NISCH: variants seen among roughly 807,000 people sequenced by gnomAD.
NISCH encodes I-1 receptor candidate protein.
Under a neutral mutation model 138.4 loss-of-function variants are expected in NISCH, and 55 were observed. The observed-to-expected ratio is 0.40, with a 90% CI of 0.32 to 0.50. The LOEUF is 0.50. NISCH is among the 20% of genes least tolerant of loss of function. The pLI is 0.71. For synonymous variants in NISCH, 860 were observed against 861.5 expected (o/e 1.00, Z 0.03); for missense variants, 1,643 against 2,005.5 (o/e 0.82, Z 3.45).
chr3:52,476,625 G>A, intron 8 of NISCH, 26 bp downstream of exon 8: 1 of 1,612,190 alleles, frequency 6.2e-7, no homozygotes, highest in Non-Finnish European at 8.5e-7. Flanking sequence ...CAGGTGCCAG[G>A]GGTTTCTCTG....
Position 52,455,697 on chromosome 3 carries a change from C to A in NISCH, c.56C>A (p.Ala19Glu). The A allele has an allele frequency of 7.3e-7, 1 of 1,364,662 alleles. No homozygotes were observed. Among genetic ancestry groups the A allele is most frequent in the Non-Finnish European group, 9.5e-7 (1 of 1,048,272 alleles). The allele number at this position is 1,364,662 out of a possible 1,614,324, so 84.5% of individuals were successfully genotyped here. A position where few individuals can be genotyped will look rare whatever the true frequency, so the allele number is the denominator to read the frequency against. Residue 19 changes from alanine to glutamate, a missense_variant, in exon 1 of 21, where the codon GCG becomes GAG. Coordinates refer to ENST00000345716, the MANE Select transcript of NISCH (RefSeq NM_007184.4). Reference protein sequence around the residue: ...PEREAEPAKEARVVGSELVDT... With the variant: ...PEREAEPAKEERVVGSELVDT... ...CGGGAAGCCGAGCCGGCCAAGGAAGCGCGCGTCGTGGGCTCGGAGCTTGTG... is the reference window on the plus strand; with the variant it reads ...CGGGAAGCCGAGCCGGCCAAGGAAGAGCGCGTCGTGGGCTCGGAGCTTGTG...
At chr3:52,476,276 C>A in intron 7 of NISCH, 171 bp from the exon 8 acceptor site, 1 of 692,236 alleles carries the variant, frequency 1.4e-6, no homozygotes, top group South Asian at 1.9e-5. Flanking sequence ...CAGCTTTGAA[C>A]GATTTCACAA....
intron 3 of NISCH, among the ~76,000 whole-genome samples, chr3:52,469,856 G>A (rs1185966695): frequency 2.0e-5 from 3 of 151,710 alleles, no homozygotes; most frequent in African/African-American, 4.8e-5. Context: ...CAGAGGTGGC[G>A]GTGAGCCGAG....
intron 14 of NISCH, among the ~76,000 whole-genome samples, chr3:52,484,909 G>A (rs114962847): frequency 6.6e-6 from 1 of 152,056 alleles, no homozygotes; most frequent in South Asian, 2.1e-4. Context: ...TCTGTCACTG[G>A]GCCCAGGGCA....
intron 11 of NISCH, 26 bp downstream of exon 11, chr3:52,478,603 C>T (rs760093292): frequency 6.2e-7 from 1 of 1,607,886 alleles, no homozygotes; most frequent in South Asian, 1.1e-5. Flanking sequence ...GTCAGAAGAG[C>T]CCAGGGAGAC....
chr3:52,480,522 C>T, intron 13 of NISCH: 1 of 1,505,540 alleles, frequency 6.6e-7, no homozygotes, highest in Non-Finnish European at 8.8e-7. Flanking sequence ...TGCTCTGATG[C>T]CCACATCCAG....
chr3:52,487,339 G>T lies in NISCH; in HGVS notation c.1847G>T (p.Arg616Leu). The change falls in exon 16 of 21, where the codon CGG (arginine) becomes CTG (leucine). Residue 616 changes from arginine (R) to leucine (L), a missense_variant. Transcript: ENST00000345716. The surrounding 1 kb of genome is among the most constrained non-coding windows in gnomAD (Gnocchi z 9.1). ...ACACTGATCCGGCAGGCCATCGAGCGGCAGCTGCCTGCCTGGATCGAGGCT... is the reference window on the plus strand; with the variant it reads ...ACACTGATCCGGCAGGCCATCGAGCTGCAGCTGCCTGCCTGGATCGAGGCT... ...LSTLIRQAIE[R>L]QLPAWIEAAN... 5.0e-6 allele frequency: 8 copies of T among 1,613,976 alleles called. No homozygotes were observed. The highest frequency in any genetic ancestry group is 6.8e-6 in the Non-Finnish European group (8 of 1,180,026).
chr3:52,479,601 C>T (rs1707208279), intron 11 of NISCH, 148 bp from the exon 12 acceptor site: 1 of 645,632 alleles, frequency 1.5e-6, no homozygotes, highest in Non-Finnish European at 2.7e-6. Flanking sequence ...TGGCCTGGCC[C>T]ACAGCAGGTG....
intron 6 of NISCH, among the ~76,000 whole-genome samples, chr3:52,472,858 C>T (rs573671890): frequency 7.2e-5 from 11 of 152,338 alleles, no homozygotes; most frequent in South Asian, 2.1e-4. Flanking sequence ...CTTTGGTTTG[C>T]GATGCCAATT....
intron 7 of NISCH, 56 bp downstream of exon 7, chr3:52,473,885 T>C: frequency 8.2e-7 from 1 of 1,215,512 alleles, no homozygotes; most frequent in Non-Finnish European, 1.2e-6. Context: ...GGTCCTGGGC[T>C]GTGGTCTCCA....
chr3:52,492,002 C>T lies in NISCH; in HGVS notation c.4035C>T (p.Leu1345=). 1 of 1,613,438 alleles carries T rather than the reference C, an allele frequency of 6.2e-7. No homozygotes were observed. Among genetic ancestry groups the T allele is most frequent in the Non-Finnish European group, 8.5e-7 (1 of 1,180,026 alleles). Residue 1345 remains leucine (L), a synonymous_variant, in exon 21 of 21, where the codon CTC becomes CTT. Coordinates refer to ENST00000345716, the MANE Select transcript of NISCH (RefSeq NM_007184.4). The part of the protein sequence containing the change: ...KMAEPEKAPA[L]SILLYVQAFQ... ...CTGAGCCAGAGAAGGCCCCAGCCCTCAGCATCCTGCTGTACGTGCAGGCCT... is the reference window on the plus strand; with the variant it reads ...CTGAGCCAGAGAAGGCCCCAGCCCTTAGCATCCTGCTGTACGTGCAGGCCT...
At chr3:52,459,538 A>G (rs1227917315) in intron 3 of NISCH, among the ~76,000 whole-genome samples, 2 of 152,088 alleles carry the variant, frequency 1.3e-5, no homozygotes, top group Non-Finnish European at 2.9e-5. Context: ...GGTTCAAGCA[A>G]TTCTCCTGCC....
intron 17 of NISCH, 93 bp downstream of exon 17, chr3:52,489,771 TC>T (rs1707513059): frequency 6.6e-7 from 1 of 1,523,230 alleles, no homozygotes; most frequent in Non-Finnish European, 8.8e-7. Context: ...TCCCTGGACT[TC>T]CCTGATGTCG....
Position 52,487,288 on chromosome 3 carries a change from A to G in NISCH, c.1796A>G (p.Asn599Ser). 2 of 1,614,140 alleles carry G rather than the reference A, an allele frequency of 1.2e-6. No individual in the cohort carries two copies. Among genetic ancestry groups the G allele is most frequent in the Non-Finnish European group, 1.7e-6 (2 of 1,180,042 alleles). The change falls in exon 16 of 21, where the codon AAT (asparagine) becomes AGT (serine). Residue 599 changes from asparagine (N) to serine (S), a missense_variant. Physicochemically the swap from Asn to Ser is conservative, Grantham distance 46. Transcript: ENST00000345716. The surrounding 1 kb of genome is among the most constrained non-coding windows in gnomAD (Gnocchi z 9.1). Reference sequence around the variant, plus strand: ...ACCTGCATTGGCTACACGGCCACCAATCAGGACTTCATCCAGCGCCTGAGC... The same window carrying G: ...ACCTGCATTGGCTACACGGCCACCAGTCAGGACTTCATCCAGCGCCTGAGC... ...PFTCIGYTAT[N>S]QDFIQRLSTL...
At position 52,488,380 on chromosome 3, in the gene NISCH, G is replaced by A. The variant is rs753195296; in HGVS notation, c.2888G>A (p.Arg963Gln). The change falls in exon 16 of 21, where the codon CGG becomes CAG. Residue 963 changes from arginine to glutamine, a missense_variant. By Grantham distance (43) the Arg-to-Gln change is conservative. Coordinates refer to ENST00000345716, the MANE Select transcript of NISCH (RefSeq NM_007184.4). ...LDPTRSCTQP[R>Q]GAFADGHVLE... Reference sequence around the variant, plus strand: ...CCCACACGCAGCTGTACCCAGCCTCGGGGCGCCTTTGCTGATGGCCACGTG... The same window carrying A: ...CCCACACGCAGCTGTACCCAGCCTCAGGGCGCCTTTGCTGATGGCCACGTG... 7.4e-6 allele frequency: 12 copies of A among 1,613,672 alleles called. No homozygotes were observed. Among genetic ancestry groups the A allele is most frequent in the Admixed American group, 1.7e-5 (1 of 60,010 alleles).
At position 52,490,787 on chromosome 3, in the gene NISCH, G is replaced by A. The variant is rs764986966; in HGVS notation, c.3696G>A (p.Leu1232=). 3 of 1,614,214 alleles carry A rather than the reference G, an allele frequency of 1.9e-6. No homozygotes were observed. The highest frequency in any genetic ancestry group is 3.3e-5 in the Admixed American group (2 of 60,026). The change falls in exon 19 of 21, where the codon CTG becomes CTA. Residue 1232 remains leucine, a synonymous_variant. Transcript: ENST00000345716. ...GCTTCGTGCTAAAGCTTAGTGACCTGCAGTCAGTCAATGTGGGGCTTTTCG... is the reference window on the plus strand; with the variant it reads ...GCTTCGTGCTAAAGCTTAGTGACCTACAGTCAGTCAATGTGGGGCTTTTCG... ...SQCFVLKLSD[L]QSVNVGLFDQ...
At chr3:52,485,647 CA>C in intron 14 of NISCH, 130 bp from the exon 15 acceptor site, 1 of 984,582 alleles carries the variant, frequency 1.0e-6, no homozygotes, top group South Asian at 1.5e-5. Flanking sequence ...CTCCAGGGTA[CA>C]GCGTGGGGAT....
At position 52,492,780 on chromosome 3, in the gene NISCH, A is replaced by T; in HGVS notation, c.*298A>T. 1 of 427,834 alleles carries T rather than the reference A, an allele frequency of 2.3e-6. No homozygotes were observed. The highest frequency in any genetic ancestry group is 4.2e-6 in the Non-Finnish European group (1 of 238,988). The allele number at this position is 427,834 out of a possible 1,614,324, so 26.5% of individuals were successfully genotyped here. The stretch of plus-strand genomic sequence containing the variant: ...GTTAACACGTGACACTGTGGGTCTG[A>T]CTTTCTCTTCTACACGTCCTTTCCT... On this transcript the variant is annotated 3_prime_UTR_variant, in exon 21 of 21. Transcript: ENST00000345716.
intron 11 of NISCH, 22 bp downstream of exon 11, chr3:52,478,599 A>G (rs1308376558): frequency 6.2e-7 from 1 of 1,612,828 alleles, no homozygotes. Context: ...CACAGTCAGA[A>G]GAGCCCAGGG....
Sources: gnomAD v4.1 joint callset for allele counts (sites outside exome capture counted in the v4.1 genomes callset) on GRCh38, gnomAD v4.1.1 for gene constraint, Gnocchi (gnomAD v3.1) non-coding constraint, MANE v1.5 for transcripts, NCBI Gene and HGNC (gene_info 2026-07-23, HGNC 2026-07-21) for gene names.